The following PCDH15 variants were observed in gnomAD, a reference collection of about 807,000 sequenced individuals.
PCDH15 encodes the protein protocadherin related 15.
PCDH15 carries 129 observed loss-of-function variants against 178.5 expected under a neutral mutation model. That is an observed-to-expected ratio of 0.72 (90% CI 0.63 to 0.84). The LOEUF (loss-of-function observed/expected upper bound fraction) is 0.84, where lower values mean the gene tolerates loss of function less well. Ranked by LOEUF, PCDH15 falls within the 40% of genes least tolerant of loss-of-function variation. The pLI is 0.00. For missense variants in PCDH15, 2,230 were observed against 2,099.9 expected, an observed-to-expected ratio of 1.06 and a Z score of -1.21; for synonymous variants, 800 against 732.0, an observed-to-expected ratio of 1.09 and a Z score of -1.50.
At chr10:55,410,537 G>A (rs1838305766) in intron 2 of PCDH15, among the ~76,000 whole-genome samples, 2 of 151,950 alleles carry the variant, frequency 1.3e-5, no homozygotes, top group African/African-American at 4.8e-5. Flanking sequence ...GCAAAACCTG[G>A]AGTCTTACCC....
chr10:53,996,652 T>C (rs2091864174), intron 20 of PCDH15, among the ~76,000 whole-genome samples: 1 of 152,126 alleles, frequency 6.6e-6, no homozygotes, highest in Non-Finnish European at 1.5e-5. Flanking sequence ...ATAAATCAAG[T>C]CCCCTGAAAG....
intron 2 of PCDH15, among the ~76,000 whole-genome samples, chr10:55,160,817 C>T (rs760476609): frequency 1.2e-4 from 19 of 152,108 alleles, no homozygotes; most frequent in South Asian, 6.2e-4. Context: ...TGTAGCACTG[C>T]CTGTTGACGT....
At chr10:53,974,168 C>T (rs369612474) in intron 21 of PCDH15, among the ~76,000 whole-genome samples, 18 of 152,174 alleles carry the variant, frequency 1.2e-4, no homozygotes, top group African/African-American at 3.6e-4. Context: ...CAGGGACGCT[C>T]CATGCCTGGA....
chr10:55,520,022 C>CAT (rs962326907), intron 2 of PCDH15, among the ~76,000 whole-genome samples: 2 of 144,840 alleles, frequency 1.4e-5, no homozygotes, highest in Non-Finnish European at 3.0e-5. Context: ...GTTTATAAGG[C>CAT]ATATATATAT....
At chr10:53,939,015 C>G in intron 24 of PCDH15, 60 bp from the exon 25 acceptor site, 2 of 1,538,426 alleles carry the variant, frequency 1.3e-6, no homozygotes, top group Non-Finnish European at 1.8e-6. Context: ...AAGAAATTCT[C>G]TTTAAAAGGC....
At chr10:53,888,008 C>T (rs1378226713) in intron 26 of PCDH15, among the ~76,000 whole-genome samples, 1 of 151,856 alleles carries the variant, frequency 6.6e-6, no homozygotes, top group Non-Finnish European at 1.5e-5. Flanking sequence ...TACAGAAATA[C>T]TATAATAATT....
rs373798045 is a variant in PCDH15, at chr10:53,991,251, A to T, written c.2868+4398T>A. 7.9e-5 allele frequency among the ~76,000 whole-genome samples: 12 copies of T among 152,300 alleles called. No homozygotes were observed. The East Asian group carries it at 2.3e-3, about 29-fold the overall frequency. ...TGCCTGCAGCCCCGGCGTGGGATCC[A>T]CTAGCCAAAGCCAGCTGGGCTCCTG... On this transcript the variant is annotated intron_variant, in intron 21 of 37. Coordinates refer to ENST00000644397, the MANE Select transcript of PCDH15 (RefSeq NM_001384140.1).
At chr10:54,611,531 A>G (rs1302099499) in intron 2 of PCDH15, among the ~76,000 whole-genome samples, 1 of 151,888 alleles carries the variant, frequency 6.6e-6, no homozygotes, top group East Asian at 1.9e-4. Flanking sequence ...AGCTGAGATA[A>G]TGGCCCACTA....
intron 8 of PCDH15, among the ~76,000 whole-genome samples, chr10:54,259,179 T>C (rs1222125209): frequency 6.6e-6 from 1 of 152,216 alleles, no homozygotes; most frequent in African/African-American, 2.4e-5. Flanking sequence ...ATAAATTGCA[T>C]GGCATTTAAC....
In PCDH15 at chr10:55,358,404, A is replaced by T. The variant is rs141288509; in HGVS notation, c.-155-191753T>A. ...TCAGATAGTCTTATTTCAGCAAACA[A>T]TATGCCAATCATTTCCATTTATCAT... On this transcript the variant is annotated intron_variant, in intron 2 of 5. Coordinates refer to the PCDH15 transcript ENST00000613346. Among the ~76,000 whole-genome samples, 765 of 152,184 alleles carry T rather than the reference A, an allele frequency of 5.0e-3. 11 individuals are homozygous for T. The highest frequency in any genetic ancestry group is 0.018 in the African/African-American group (734 of 41,558).
At chr10:55,126,981 A>G (rs146600115) in intron 2 of PCDH15, among the ~76,000 whole-genome samples, 1 of 152,010 alleles carries the variant, frequency 6.6e-6, no homozygotes, top group African/African-American at 2.4e-5. Flanking sequence ...ATTGTTCCAC[A>G]TTCCTCTTTC....
At chr10:55,442,612 A>T (rs1268659928) in intron 2 of PCDH15, among the ~76,000 whole-genome samples, 1 of 150,554 alleles carries the variant, frequency 6.6e-6, no homozygotes. Flanking sequence ...TGTAGCTATG[A>T]CTCAGAATCA....
intron 2 of PCDH15, among the ~76,000 whole-genome samples, chr10:54,657,295 C>A (rs967250778): frequency 3.9e-5 from 6 of 152,044 alleles, no homozygotes; most frequent in East Asian, 1.9e-4. Context: ...CTGGTATAGG[C>A]CTCCAACGCT....
At chr10:54,383,505 A>G (rs1949497553) in intron 3 of PCDH15, among the ~76,000 whole-genome samples, 2 of 152,124 alleles carry the variant, frequency 1.3e-5, no homozygotes. Context: ...TTTAATTATC[A>G]GACTGGTGTA....
At chr10:53,940,512 C>T (rs1005284043) in intron 24 of PCDH15, among the ~76,000 whole-genome samples, 3 of 151,852 alleles carry the variant, frequency 2.0e-5, no homozygotes, top group African/African-American at 7.3e-5. Flanking sequence ...GACACTGGGG[C>T]GGACGAAGCT....
At chr10:54,947,566 C>T (rs978530747) in intron 2 of PCDH15, among the ~76,000 whole-genome samples, 6 of 151,796 alleles carry the variant, frequency 4.0e-5, no homozygotes, top group Admixed American at 3.3e-4. Flanking sequence ...CCATCTCCCA[C>T]AGCTAAGGAA....
chr10:54,526,333 T>C (rs2083360668), intron 3 of PCDH15, among the ~76,000 whole-genome samples: 1 of 152,238 alleles, frequency 6.6e-6, no homozygotes. Context: ...TTCAAATGAA[T>C]TGGTTAACAA....
At chr10:53,851,395 T>G (rs569181051) in intron 28 of PCDH15, among the ~76,000 whole-genome samples, 51 of 151,840 alleles carry the variant, frequency 3.4e-4, no homozygotes, top group African/African-American at 1.0e-3. Flanking sequence ...ACTGATAATC[T>G]CCAGTGCTTA....
chr10:54,563,329 T>C (rs2088497138), intron 2 of PCDH15, among the ~76,000 whole-genome samples: 1 of 152,188 alleles, frequency 6.6e-6, no homozygotes, highest in Non-Finnish European at 1.5e-5. Flanking sequence ...TCCGCTTTTT[T>C]AGCGCTTTTC....
Sources: allele counts gnomAD v4.1 joint callset (sites outside exome capture counted in the v4.1 genomes callset), GRCh38; gene constraint gnomAD v4.1.1; transcripts MANE v1.5; gene names NCBI Gene and HGNC (gene_info 2026-07-23, HGNC 2026-07-21).